The following SYNPR variants were observed in gnomAD, a reference collection of about 807,000 sequenced individuals.
The protein encoded by SYNPR is synaptoporin.
A neutral mutation model predicts 32.9 loss-of-function variants in SYNPR; 23 were observed. The observed-to-expected ratio is 0.70, with a 90% CI of 0.50 to 0.99. SYNPR has a LOEUF of 0.99. Ranked by LOEUF, SYNPR falls within the 50% of genes least tolerant of loss-of-function variation. SYNPR has a pLI of 0.00. For missense variants in SYNPR, 318 were observed against 349.3 expected (o/e 0.91, Z 0.71); for synonymous variants, 146 against 135.9 (o/e 1.07, Z -0.52).
chr3:63,286,110 T>C (rs1403567015), intron 2 of SYNPR, among the ~76,000 whole-genome samples: 1 of 152,238 alleles, frequency 6.6e-6, no homozygotes, highest in Non-Finnish European at 1.5e-5. Context: ...TCTATCTCTA[T>C]ATTCCACTGT....
At chr3:63,288,301 G>A (rs368960898) in intron 2 of SYNPR, among the ~76,000 whole-genome samples, 1 of 152,168 alleles carries the variant, frequency 6.6e-6, no homozygotes, top group South Asian at 2.1e-4. Flanking sequence ...CGATCATGAC[G>A]ATCCTTTAAG....
rs552413985 is a variant in SYNPR at position 63,469,085 on chromosome 3, A to T, written c.85-11747A>T. On this transcript the variant is annotated intron_variant, in intron 2 of 5. Transcript: ENST00000478300. The stretch of plus-strand genomic sequence containing the variant: ...GTGATTGATAAAATATTTAAATTTT[A>T]AAAAAGACATGCCAAATGTATTGAA... 8.8e-4 allele frequency among the ~76,000 whole-genome samples: 134 copies of T among 152,300 alleles called. 1 individual carries two copies. The highest frequency in any genetic ancestry group is 3.1e-3 in the African/African-American group (129 of 41,574).
chr3:63,304,897 G>T (rs982868321), intron 2 of SYNPR, among the ~76,000 whole-genome samples: 1 of 151,942 alleles, frequency 6.6e-6, no homozygotes, highest in Non-Finnish European at 1.5e-5. Flanking sequence ...TACAAGTTGA[G>T]GTTCAAACAG....
intron 4 of SYNPR, among the ~76,000 whole-genome samples, chr3:63,561,144 CA>C (rs1702682114): frequency 6.6e-6 from 1 of 152,114 alleles, no homozygotes; most frequent in Admixed American, 6.5e-5. Context: ...AAAAAATTAA[CA>C]AATTTTCATC....
upstream of SYNPR, among the ~76,000 whole-genome samples, chr3:63,276,377 T>G (rs2086573946): frequency 6.6e-6 from 1 of 152,166 alleles, no homozygotes; most frequent in South Asian, 2.1e-4. Context: ...TCCCCTTTGC[T>G]TCTATAGAAG....
intron 2 of SYNPR, among the ~76,000 whole-genome samples, chr3:63,446,657 A>C (rs1023651023): frequency 6.6e-6 from 1 of 152,184 alleles, no homozygotes; most frequent in Non-Finnish European, 1.5e-5. Context: ...AGAAAGGATT[A>C]TGAGTGGTGA....
chr3:63,587,367 G>A (rs1046527557), intron 4 of SYNPR, among the ~76,000 whole-genome samples: 1 of 152,092 alleles, frequency 6.6e-6, no homozygotes, highest in African/African-American at 2.4e-5. Flanking sequence ...AAAGACCAGA[G>A]AACTTTAAAA....
chr3:63,440,538 G>A (rs1700151434), intron 2 of SYNPR, among the ~76,000 whole-genome samples: 1 of 152,148 alleles, frequency 6.6e-6, no homozygotes, highest in South Asian at 2.1e-4. Context: ...CCACAGGGAG[G>A]TGACAGAAGG....
chr3:63,305,108 G>A (rs1283320665), intron 2 of SYNPR, among the ~76,000 whole-genome samples: 2 of 151,954 alleles, frequency 1.3e-5, no homozygotes, highest in Non-Finnish European at 2.9e-5. Flanking sequence ...CTGATTTGGT[G>A]GTCTGCCTGA....
chr3:63,528,848 A>AATAT (rs1575693903), intron 3 of SYNPR, among the ~76,000 whole-genome samples: 1 of 152,192 alleles, frequency 6.6e-6, no homozygotes, highest in African/African-American at 2.4e-5. Context: ...CTAGAGCTGA[A>AATAT]ATATATGATG....
At chr3:63,244,712 G>A (rs1187605386) in intron 1 of SYNPR, among the ~76,000 whole-genome samples, 1 of 152,100 alleles carries the variant, frequency 6.6e-6, no homozygotes, top group Non-Finnish European at 1.5e-5. Context: ...CTTCATTTAG[G>A]ACTATCAATC....
chr3:63,494,026 AT>A (rs879835616), intron 3 of SYNPR, among the ~76,000 whole-genome samples: 34 of 149,672 alleles, frequency 2.3e-4, no homozygotes, highest in East Asian at 2.0e-3. Flanking sequence ...ACATTGATTG[AT>A]TTTTTTTTTA....
chr3:63,494,392 C>CTT (rs2106722021), intron 3 of SYNPR, among the ~76,000 whole-genome samples: 2 of 36,910 alleles, frequency 5.4e-5, no homozygotes, highest in African/African-American at 2.1e-4. Flanking sequence ...TATGTTAATT[C>CTT]TTATATATAT....
chr3:63,593,579 T>C (rs149530954), intron 4 of SYNPR, among the ~76,000 whole-genome samples: 1 of 152,134 alleles, frequency 6.6e-6, no homozygotes. Flanking sequence ...TTGATAAAGT[T>C]TTCTGGGAAC....
chr3:63,223,894 C>T (rs2086110868), upstream of SYNPR, among the ~76,000 whole-genome samples: 1 of 152,006 alleles, frequency 6.6e-6, no homozygotes, highest in Non-Finnish European at 1.5e-5. Flanking sequence ...CTTTTTTTCC[C>T]CACTTCATGA....
intron 3 of SYNPR, among the ~76,000 whole-genome samples, chr3:63,539,253 T>C (rs866120400): frequency 5.9e-5 from 9 of 152,112 alleles, no homozygotes; most frequent in Admixed American, 1.3e-4. Context: ...CACAACAAAG[T>C]AGAATCCATG....
chr3:63,551,291 C>G (rs757172969), intron 3 of SYNPR, among the ~76,000 whole-genome samples: 1 of 152,180 alleles, frequency 6.6e-6, no homozygotes, highest in Non-Finnish European at 1.5e-5. Context: ...TATGAATAAA[C>G]TACATCTTAT....
chr3:63,308,361 G>A (rs1362964257), intron 2 of SYNPR, among the ~76,000 whole-genome samples: 1 of 151,800 alleles, frequency 6.6e-6, no homozygotes, highest in Non-Finnish European at 1.5e-5. Context: ...TTAACAACTC[G>A]ATTGAGATAT....
chr3:63,596,692 G>C (rs35663544), intron 4 of SYNPR, among the ~76,000 whole-genome samples: 12,386 of 152,196 alleles, frequency 0.081, 667 homozygotes, highest in Middle Eastern at 0.12. Context: ...AATGTGGGAG[G>C]CATGCTGGCC....
Sources: allele counts gnomAD v4.1 joint callset (sites outside exome capture counted in the v4.1 genomes callset), GRCh38; gene constraint gnomAD v4.1.1; transcripts MANE v1.5; gene names NCBI Gene and HGNC (gene_info 2026-07-23, HGNC 2026-07-21).